Variants in WRN observed in about 807,000 individuals in gnomAD.
The protein encoded by WRN is bifunctional 3'-5' exonuclease/ATP-dependent helicase WRN.
WRN carries 149 observed loss-of-function variants against 180.7 expected under a neutral mutation model. The observed-to-expected ratio is 0.82, with a 90% CI of 0.72 to 0.94. The LOEUF is 0.94. Ranked by LOEUF, WRN falls within the 40% of genes least tolerant of loss-of-function variation. The pLI is 0.00. For missense variants in WRN, 1,661 were observed against 1,700.1 expected, an observed-to-expected ratio of 0.98 and a Z score of 0.40; for synonymous variants, 548 against 568.9, an observed-to-expected ratio of 0.96 and a Z score of 0.52.
intron 16 of WRN, among the ~76,000 whole-genome samples, chr8:31,094,881 G>GA (rs1813893609): frequency 6.6e-6 from 1 of 152,130 alleles, no homozygotes; most frequent in Admixed American, 6.5e-5. Flanking sequence ...TGGACATTTG[G>GA]GTTGTTTCCT....
At chr8:31,123,735 A>G (rs1257149436) in intron 21 of WRN, among the ~76,000 whole-genome samples, 1 of 152,110 alleles carries the variant, frequency 6.6e-6, no homozygotes, top group Non-Finnish European at 1.5e-5. Context: ...CCTAGTTAAC[A>G]TGGACTTTCA....
chr8:31,175,624 TCCACC>T lies in WRN; in HGVS notation c.*2523_*2527del. ...TTTGGTAAAATTTCAGAGAACAATG[TCCACC>T]ATTATCTGAACAGGCTATTAAAATA... On this transcript the variant is annotated 3_prime_UTR_variant, in exon 35 of 35. Coordinates refer to ENST00000298139, the MANE Select transcript of WRN (RefSeq NM_000553.6). Among the ~76,000 whole-genome samples, 1 of 152,222 alleles carries T rather than the reference TCCACC, an allele frequency of 6.6e-6. No homozygotes were observed. The highest frequency in any genetic ancestry group is 1.5e-5 in the Non-Finnish European group (1 of 68,038).
In WRN at chr8:31,059,186, C is replaced by G. The variant is rs139775895; in HGVS notation, c.130C>G (p.Leu44Val). Residue 44 changes from leucine (L) to valine (V), a missense_variant, in exon 3 of 35, where the codon CTC becomes GTC. By Grantham distance (32) the Leu-to-Val change is conservative (BLOSUM62 1). Around this residue, in one of 3 missense-constraint regions of WRN, gnomAD observed 500 missense variants for 504.1 expected, o/e 0.99. Transcript: ENST00000298139. ...TCGGAAGAGTGTTTTTGAAGATGAC[C>G]TCCCCTTCTTAGAATTCACTGGATC... ...CVRKSVFEDD[L>V]PFLEFTGSIV... The G allele has an allele frequency of 4.3e-4, 698 of 1,613,716 alleles. No homozygotes were observed. The highest frequency in any genetic ancestry group is 5.6e-4 in the Non-Finnish European group (660 of 1,179,842).
intron 28 of WRN, among the ~76,000 whole-genome samples, chr8:31,144,393 T>G (rs1168124738): frequency 6.6e-6 from 1 of 151,322 alleles, no homozygotes; most frequent in Admixed American, 6.6e-5. Flanking sequence ...TGGAGTGCAG[T>G]AGCACAATCT....
At chr8:31,133,827 C>T (rs1369508950) in intron 24 of WRN, among the ~76,000 whole-genome samples, 1 of 152,132 alleles carries the variant, frequency 6.6e-6, no homozygotes, top group African/African-American at 2.4e-5. Context: ...CCTTCAGAAC[C>T]TGTGTATCTC....
intron 21 of WRN, among the ~76,000 whole-genome samples, chr8:31,124,267 T>C (rs1289328611): frequency 6.6e-6 from 1 of 152,064 alleles, no homozygotes; most frequent in Non-Finnish European, 1.5e-5. Flanking sequence ...GCTAAAGAAT[T>C]GATACTTGGA....
chr8:31,057,656 C>A (rs1336565932), intron 1 of WRN, among the ~76,000 whole-genome samples: 1 of 152,126 alleles, frequency 6.6e-6, no homozygotes, highest in African/African-American at 2.4e-5. Context: ...TTGCTAAGAA[C>A]TAAGCCTTGA....
chr8:31,036,060 C>A (rs766246067), intron 1 of WRN, among the ~76,000 whole-genome samples: 3 of 152,222 alleles, frequency 2.0e-5, no homozygotes, highest in Admixed American at 6.5e-5. Context: ...ATTCTACTTA[C>A]TACCTCAATG....
At chr8:31,140,740 T>C (rs534458482) in intron 24 of WRN, among the ~76,000 whole-genome samples, 1 of 152,250 alleles carries the variant, frequency 6.6e-6, no homozygotes, top group South Asian at 2.1e-4. Flanking sequence ...TGGTTCGCAT[T>C]GCGTTTTTTT....
chr8:31,172,762 A>C (rs1284814561), intron 34 of WRN, among the ~76,000 whole-genome samples: 1 of 152,230 alleles, frequency 6.6e-6, no homozygotes, highest in Non-Finnish European at 1.5e-5. Flanking sequence ...TGAGTGTATA[A>C]GACTACATGA....
At chr8:31,066,562 A>T (rs1405180851) in intron 5 of WRN, among the ~76,000 whole-genome samples, 1 of 151,942 alleles carries the variant, frequency 6.6e-6, no homozygotes, top group African/African-American at 2.4e-5. Flanking sequence ...TTTTAGGTGT[A>T]TATTTTTAAT....
intron 34 of WRN, among the ~76,000 whole-genome samples, chr8:31,168,186 G>C (rs1803972102): frequency 6.6e-6 from 1 of 151,992 alleles, no homozygotes. Context: ...TAATTAGTTG[G>C]AAATCTTTAT....
intron 9 of WRN, among the ~76,000 whole-genome samples, chr8:31,083,336 AT>A (rs1813394647): frequency 6.6e-6 from 1 of 152,154 alleles, no homozygotes; most frequent in Non-Finnish European, 1.5e-5. Flanking sequence ...TTTGTACGGC[AT>A]TTTTCAACAT....
At chr8:31,119,790 A>G (rs1801651309) in intron 20 of WRN, among the ~76,000 whole-genome samples, 1 of 152,026 alleles carries the variant, frequency 6.6e-6, no homozygotes, top group African/African-American at 2.4e-5. Flanking sequence ...GAGACATTCT[A>G]TCAATTTTAC....
In WRN at chr8:31,111,479, A is replaced by C. The variant is rs1801312535; in HGVS notation, c.2089-136A>C. ...GTTAGTAGGGAGATTTTTTCTTTGC[A>C]AAAAAATTTTACAGTTGTGTCTTTA... On this transcript the variant is annotated intron_variant, in intron 18 of 34. Coordinates refer to ENST00000298139, the MANE Select transcript of WRN (RefSeq NM_000553.6). 5 of 1,037,618 alleles carry C rather than the reference A, an allele frequency of 4.8e-6. No homozygotes were observed. In the South Asian group the frequency reaches 7.8e-5, roughly 16 times the overall value. The allele number at this position is 1,037,618 out of a possible 1,614,324, so 64.3% of individuals were successfully genotyped here.
chr8:31,076,197 T>A lies in WRN; in HGVS notation c.749T>A (p.Met250Lys). 6.2e-7 allele frequency: 1 copy of A among 1,613,872 alleles called. No homozygotes were observed. The highest frequency in any genetic ancestry group is 8.5e-7 in the Non-Finnish European group (1 of 1,179,868). Residue 250 changes from methionine to lysine, a missense_variant, in exon 8 of 35, where the codon ATG becomes AAG. Physicochemically the swap from Met to Lys is moderately conservative, Grantham distance 95. Transcript: ENST00000298139. ...GAGGAAGAAATCCTACTTAGCGACATGAACAAACAGTTGACTTCAATCTCT... is the reference window on the plus strand; with the variant it reads ...GAGGAAGAAATCCTACTTAGCGACAAGAACAAACAGTTGACTTCAATCTCT... ...NKEEEILLSD[M>K]NKQLTSISEE...
At chr8:31,064,573 TTCAC>T in intron 4 of WRN, 139 bp downstream of exon 4, 1 of 1,200,430 alleles carries the variant, frequency 8.3e-7, no homozygotes, top group Non-Finnish European at 1.2e-6. Context: ...TTCTACCTGA[TTCAC>T]TCACATTCCT....
chr8:31,057,570 C>CAAAACAA (rs944247278), intron 1 of WRN, among the ~76,000 whole-genome samples: 10 of 151,452 alleles, frequency 6.6e-5, no homozygotes, highest in Non-Finnish European at 1.3e-4. Flanking sequence ...GACTCCGTCT[C>CAAAACAA]AAAACAAAAA....
chr8:31,094,780 G>A (rs1048793686), intron 16 of WRN, among the ~76,000 whole-genome samples: 1 of 152,136 alleles, frequency 6.6e-6, no homozygotes, highest in Admixed American at 6.5e-5. Flanking sequence ...ACTTAGCATA[G>A]TGATATCAGT....
Sources: gnomAD v4.1 joint callset for allele counts (sites outside exome capture counted in the v4.1 genomes callset) on GRCh38, gnomAD v4.1.1 for gene constraint, gnomAD v4.1.1 regional missense constraint, MANE v1.5 for transcripts, NCBI Gene and HGNC (gene_info 2026-07-23, HGNC 2026-07-21) for gene names.